Variants in GMNC observed in about 807,000 individuals in gnomAD.
GMNC encodes the protein geminin coiled-coil domain containing.
Under a neutral mutation model 33.6 loss-of-function variants are expected in GMNC, and 16 were observed. That is an observed-to-expected ratio of 0.48 (90% CI 0.32 to 0.72). The LOEUF (loss-of-function observed/expected upper bound fraction) is 0.72, where lower values mean the gene tolerates loss of function less well. Ranked by LOEUF, GMNC falls within the 30% of genes least tolerant of loss-of-function variation. The pLI, the probability that GMNC is intolerant of heterozygous loss-of-function variation, is 0.03. For missense variants in GMNC, 393 were observed against 388.9 expected, an observed-to-expected ratio of 1.01 and a Z score of -0.09; for synonymous variants, 156 against 147.3, an observed-to-expected ratio of 1.06 and a Z score of -0.43.
At chr3:190,845,469 G>A in the GMNC span, among the ~76,000 whole-genome samples, 1 of 150,468 alleles carries the variant, frequency 6.6e-6, no homozygotes, top group African/African-American at 2.5e-5. Flanking sequence ...GAATGATAAG[G>A]TCTAGGGCTT....
the GMNC span, among the ~76,000 whole-genome samples, chr3:190,847,035 T>G: frequency 6.6e-6 from 1 of 152,214 alleles, no homozygotes; most frequent in South Asian, 2.1e-4. Flanking sequence ...TACTTTATTT[T>G]TGTCTCTTAT....
At chr3:190,845,071 G>C in the GMNC span, among the ~76,000 whole-genome samples, 2 of 152,058 alleles carry the variant, frequency 1.3e-5, no homozygotes, top group Non-Finnish European at 2.9e-5. Flanking sequence ...TCAATTCACA[G>C]AATTGACCAG....
intron 3 of GMNC, 48 bp downstream of exon 3, chr3:190,858,880 T>C (rs1737803702): frequency 1.8e-6 from 2 of 1,100,286 alleles, no homozygotes; most frequent in African/African-American, 3.2e-5. Context: ...CAGTGGGGAA[T>C]GGACCACATA....
At chr3:190,859,039 CTG>C in intron 2 of GMNC, 23 bp from the exon 3 acceptor site, 1 of 1,365,640 alleles carries the variant, frequency 7.3e-7, no homozygotes, top group Non-Finnish European at 1.0e-6. Context: ...AAATAGATAA[CTG>C]AGAAAATAAT....
In GMNC at chr3:190,853,165, T is replaced by C. The variant is rs1215035278; in HGVS notation, c.*2130A>G. 6.6e-6 allele frequency: 1 copy of C among 152,156 alleles called. No individual in the cohort carries two copies. Among genetic ancestry groups the C allele is most frequent in the Non-Finnish European group, 1.5e-5 (1 of 67,992 alleles). The allele number at this position is 152,156 out of a possible 1,614,324, so 9.4% of individuals were successfully genotyped here. On this transcript the variant is annotated 3_prime_UTR_variant, in exon 5 of 5. Coordinates refer to ENST00000442080, the MANE Select transcript of GMNC (RefSeq NM_001146686.3). ...TGTGCTAAGCCTGGGTGTACCCTCA[T>C]GGTACTTAACACATGATAAGGCACA...
rs1737808513 is a variant in GMNC, at chr3:190,859,061, T to G, written c.179-45A>C. 2.5e-6 allele frequency: 3 copies of G among 1,183,618 alleles called. No individual in the cohort carries two copies. The Admixed American group carries it at 6.2e-5, about 25-fold the overall frequency. 73.3% of individuals were successfully genotyped at this position (1,183,618 alleles called of 1,614,324 possible). ...TAACTGAGAAAATAATCTTGTAGTT[T>G]CTGTGTAATAAAGAAACTTATCAAA... is the stretch of plus-strand genomic sequence containing the variant. On this transcript the variant is annotated intron_variant, in intron 2 of 4. Coordinates refer to ENST00000442080, the MANE Select transcript of GMNC (RefSeq NM_001146686.3).
chr3:190,844,538 G>C, the GMNC span, among the ~76,000 whole-genome samples: 2 of 151,336 alleles, frequency 1.3e-5, no homozygotes, highest in African/African-American at 4.9e-5. Flanking sequence ...GGAAAAATAT[G>C]TTATTAGGGA....
downstream of GMNC, among the ~76,000 whole-genome samples, chr3:190,850,773 T>C (rs1316505290): frequency 1.3e-5 from 2 of 152,156 alleles, no homozygotes; most frequent in African/African-American, 4.8e-5. Context: ...GACCCAACAT[T>C]AGCACCAGGG....
the GMNC span, among the ~76,000 whole-genome samples, chr3:190,845,251 T>G: frequency 1.3e-5 from 2 of 152,176 alleles, no homozygotes; most frequent in African/African-American, 4.8e-5. Flanking sequence ...CAAATTTAGG[T>G]TGGCAGATGC....
chr3:190,856,304 CTTATA>C (rs1737737544), intron 4 of GMNC, among the ~76,000 whole-genome samples: 1 of 127,770 alleles, frequency 7.8e-6, no homozygotes, highest in Admixed American at 7.9e-5. Flanking sequence ...ATAAATAATA[CTTATA>C]TTTATTTATA....
chr3:190,858,854 A>G, intron 3 of GMNC, 74 bp downstream of exon 3: 1 of 853,144 alleles, frequency 1.2e-6, no homozygotes, highest in Non-Finnish European at 1.8e-6. Flanking sequence ...AAAAGGGAAA[A>G]GAAGCAAGAT....
rs1199729684 is a variant in GMNC at position 190,855,618 on chromosome 3, C to A, written c.682G>T (p.Asp228Tyr). 6.4e-7 allele frequency: 1 copy of A among 1,551,548 alleles called. No homozygotes were observed. Among genetic ancestry groups the A allele is most frequent in the East Asian group, 2.4e-5 (1 of 40,912 alleles). Residue 228 changes from aspartate to tyrosine, a missense_variant, in exon 5 of 5, where the codon GAT (aspartate) becomes TAT (tyrosine). Transcript: ENST00000442080. ...RVASTFSQFP[D>Y]DAVDYKNIPR... The stretch of plus-strand genomic sequence containing the variant: ...ATATTTTTATAATCAACTGCATCAT[C>A]CGGAAACTGGGAAAATGTGCTGGCG...
Position 190,862,131 on chromosome 3 carries a change from T to C in GMNC, c.3+482A>G, listed in dbSNP as rs986121782. ...ATTTTCTTTTATTTTAAAAGCATGTTTGCAGACTCTTTCCCTGAGGTTTTT... is the reference window on the plus strand; with the variant it reads ...ATTTTCTTTTATTTTAAAAGCATGTCTGCAGACTCTTTCCCTGAGGTTTTT... On this transcript the variant is annotated intron_variant, in intron 1 of 4. Transcript: ENST00000442080. This position sits in a 1 kb window ranked among gnomAD's most constrained non-coding sequence, Gnocchi z 4.5. Among the ~76,000 whole-genome samples the C allele has an allele frequency of 6.6e-6, 1 of 152,150 alleles. No individual in the cohort carries two copies. Among genetic ancestry groups the C allele is most frequent in the Non-Finnish European group, 1.5e-5 (1 of 68,018 alleles).
the GMNC span, among the ~76,000 whole-genome samples, chr3:190,845,799 G>A: frequency 4.8e-4 from 73 of 152,108 alleles, no homozygotes; most frequent in African/African-American, 1.3e-3. Context: ...GAGCCACCGC[G>A]CCGGGCCTCA....
At chr3:190,856,956 A>C (rs1284287062) in intron 4 of GMNC, among the ~76,000 whole-genome samples, 5 of 151,722 alleles carry the variant, frequency 3.3e-5, no homozygotes, top group South Asian at 2.1e-4. Context: ...AGGCAACTGA[A>C]TTGTAAAGAA....
rs1737671130 is a variant in GMNC at position 190,853,559 on chromosome 3, C to G, written c.*1736G>C. On this transcript the variant is annotated 3_prime_UTR_variant, in exon 5 of 5. Coordinates refer to ENST00000442080, the MANE Select transcript of GMNC (RefSeq NM_001146686.3). ...CTTTGCTTACATCACCAAAATAAAG[C>G]AACAACCAAACAGAAACAACAATGA... 6.6e-6 allele frequency: 1 copy of G among 151,826 alleles called. No individual in the cohort carries two copies. The highest frequency in any genetic ancestry group is 2.1e-4 in the South Asian group (1 of 4,802). 9.4% of individuals were successfully genotyped at this position (151,826 alleles called of 1,614,324 possible).
At position 190,860,901 on chromosome 3, in the gene GMNC, G is replaced by A; in HGVS notation, c.4-43C>T. 5 of 1,413,624 alleles carry A rather than the reference G, an allele frequency of 3.5e-6. No individual in the cohort carries two copies. The South Asian group carries it at 4.1e-5, about 12-fold the overall frequency. The allele number at this position is 1,413,624 out of a possible 1,614,324, so 87.6% of individuals were successfully genotyped here. On this transcript the variant is annotated intron_variant, in intron 1 of 4. Transcript: ENST00000442080. ...GGGGGAGTGAGGGGTCCCAAAAGAT[G>A]GGGTGATGGAGATTTAGAAGGGGGA...
chr3:190,860,877 G>A lies in GMNC; in HGVS notation c.4-19C>T, dbSNP rs751854103. The A allele has an allele frequency of 4.0e-6, 6 of 1,515,952 alleles. No homozygotes were observed. The highest frequency in any genetic ancestry group is 1.7e-4 in the Middle Eastern group (1 of 5,870). The allele number at this position is 1,515,952 out of a possible 1,614,324, so 93.9% of individuals were successfully genotyped here. A position where few individuals can be genotyped will look rare whatever the true frequency, so the allele number is the denominator to read the frequency against. ...TGGTGTTCTGTGAAATTCAGTATGGGGGGAGTGAGGGGTCCCAAAAGATGG... is the reference window on the plus strand; with the variant it reads ...TGGTGTTCTGTGAAATTCAGTATGGAGGGAGTGAGGGGTCCCAAAAGATGG... On this transcript the variant is annotated intron_variant, in intron 1 of 4. Coordinates refer to ENST00000442080, the MANE Select transcript of GMNC (RefSeq NM_001146686.3).
chr3:190,844,577 G>A, the GMNC span, among the ~76,000 whole-genome samples: 3 of 151,618 alleles, frequency 2.0e-5, no homozygotes, highest in African/African-American at 4.8e-5. Context: ...ATTTAAGAAC[G>A]ATTGATAGTA....
Sources: allele counts gnomAD v4.1 joint callset (sites outside exome capture counted in the v4.1 genomes callset), GRCh38; gene constraint gnomAD v4.1.1; non-coding constraint Gnocchi (gnomAD v3.1); transcripts MANE v1.5; gene names NCBI Gene and HGNC (gene_info 2026-07-23, HGNC 2026-07-21).